ST8SIA4: variants seen among roughly 807,000 people sequenced by gnomAD.
ST8SIA4 encodes ST8 alpha-N-acetyl-neuraminide alpha-2,8-sialyltransferase 4.
In ST8SIA4, 15 loss-of-function variants were observed where a neutral mutation model predicts 33.9. That is an observed-to-expected ratio of 0.44 (90% CI 0.30 to 0.68). ST8SIA4 has a LOEUF of 0.68. Ranked by LOEUF, ST8SIA4 falls within the 30% of genes least tolerant of loss-of-function variation. ST8SIA4 has a pLI of 0.10. For missense variants in ST8SIA4, 321 were observed against 428.0 expected (o/e 0.75, Z 2.21); for synonymous variants, 171 against 151.2 (o/e 1.13, Z -0.96).
intron 4 of ST8SIA4, among the ~76,000 whole-genome samples, chr5:100,819,686 C>G (rs949937822): frequency 2.0e-5 from 3 of 152,144 alleles, no homozygotes; most frequent in Admixed American, 2.0e-4. Flanking sequence ...TAAAAAATTA[C>G]TTAGAAACAT....
intron 4 of ST8SIA4, among the ~76,000 whole-genome samples, chr5:100,821,481 T>A (rs1370870209): frequency 6.6e-6 from 1 of 152,178 alleles, no homozygotes; most frequent in East Asian, 1.9e-4. Context: ...TATAAACAAC[T>A]CTTCTAATGG....
At chr5:100,843,752 G>T (rs1467279411) in intron 4 of ST8SIA4, among the ~76,000 whole-genome samples, 1 of 151,930 alleles carries the variant, frequency 6.6e-6, no homozygotes, top group Non-Finnish European at 1.5e-5. Flanking sequence ...ATGGAAGTCA[G>T]CCATACTGTT....
At chr5:100,894,556 A>G (rs1261098419) in intron 2 of ST8SIA4, among the ~76,000 whole-genome samples, 1 of 152,112 alleles carries the variant, frequency 6.6e-6, no homozygotes, top group African/African-American at 2.4e-5. Context: ...TAGTAATACT[A>G]TTCCTACATC....
intron 4 of ST8SIA4, among the ~76,000 whole-genome samples, chr5:100,822,086 C>T (rs1261011430): frequency 6.6e-6 from 1 of 152,218 alleles, no homozygotes; most frequent in Non-Finnish European, 1.5e-5. Context: ...GAAAAACTTT[C>T]AACTTTTAGC....
At chr5:100,900,622 A>C (rs1234780897) in intron 1 of ST8SIA4, among the ~76,000 whole-genome samples, 1 of 152,142 alleles carries the variant, frequency 6.6e-6, no homozygotes, top group Non-Finnish European at 1.5e-5. Context: ...TCAGGAGACC[A>C]AGGCAGTCAG....
chr5:100,812,657 A>G (rs1444473755), intron 4 of ST8SIA4, among the ~76,000 whole-genome samples: 4 of 152,172 alleles, frequency 2.6e-5, no homozygotes, highest in African/African-American at 9.6e-5. Flanking sequence ...TACTAAAGCA[A>G]ATTAGAAGCC....
intron 4 of ST8SIA4, among the ~76,000 whole-genome samples, chr5:100,844,568 C>G (rs116768461): frequency 0.022 from 3,412 of 151,966 alleles, 57 homozygotes; most frequent in Non-Finnish European, 0.034. Flanking sequence ...TTTTGTGATT[C>G]TTCTCTTGTA....
In ST8SIA4 at chr5:100,806,978, G is replaced by A. The variant is rs2112386863; in HGVS notation, c.*4869C>T. On this transcript the variant is annotated 3_prime_UTR_variant, in exon 5 of 5. Transcript: ENST00000231461. ...ATTCCCTCAACCGCAAACAGAATGT[G>A]CTACACAAAATATCGTTAAGGATTT... 1 of 152,172 alleles carries A rather than the reference G, an allele frequency of 6.6e-6. No homozygotes were observed. The highest frequency in any genetic ancestry group is 2.1e-4 in the South Asian group (1 of 4,830). The allele number at this position is 152,172 out of a possible 1,614,324, so 9.4% of individuals were successfully genotyped here. A position where few individuals can be genotyped will look rare whatever the true frequency, so the allele number is the denominator to read the frequency against.
chr5:100,892,835 C>T (rs149197243), intron 2 of ST8SIA4, among the ~76,000 whole-genome samples: 63 of 151,900 alleles, frequency 4.1e-4, no homozygotes, highest in African/African-American at 1.2e-3. Flanking sequence ...CCGGGCCTGT[C>T]GGGAGGTGAT....
At chr5:100,820,731 C>T (rs774473573) in intron 4 of ST8SIA4, among the ~76,000 whole-genome samples, 6 of 152,102 alleles carry the variant, frequency 3.9e-5, no homozygotes, top group Non-Finnish European at 7.4e-5. Context: ...TCCCAAACTA[C>T]ATGAGTGATT....
At chr5:100,883,091 C>T (rs946526472) in intron 3 of ST8SIA4, among the ~76,000 whole-genome samples, 1 of 152,150 alleles carries the variant, frequency 6.6e-6, no homozygotes, top group Non-Finnish European at 1.5e-5. Context: ...CAGCTTGCAC[C>T]GTTTGCCTGG....
At chr5:100,885,487 T>C in intron 3 of ST8SIA4, 1 of 931,438 alleles carries the variant, frequency 1.1e-6, no homozygotes, top group Middle Eastern at 5.4e-4. Flanking sequence ...TATTCCAGTA[T>C]ATCTTCAAGA....
chr5:100,854,379 C>T lies in ST8SIA4; in HGVS notation c.797+1724G>A, dbSNP rs181819140. ...TGGGTGGATCACGAAGTCAGGAGAT[C>T]GAGACCATCCTGGCTAAGACGGTGA... On this transcript the variant is annotated intron_variant, in intron 4 of 4. Coordinates refer to ENST00000231461, the MANE Select transcript of ST8SIA4 (RefSeq NM_005668.6). 1.9e-3 allele frequency among the ~76,000 whole-genome samples: 291 copies of T among 151,912 alleles called. 1 individual carries two copies. Among genetic ancestry groups the T allele is most frequent in the Admixed American group, 3.4e-3 (52 of 15,260 alleles).
chr5:100,848,341 C>T, intron 4 of ST8SIA4, among the ~76,000 whole-genome samples: 1 of 150,476 alleles, frequency 6.6e-6, no homozygotes, highest in Non-Finnish European at 1.5e-5. Flanking sequence ...AACATATATA[C>T]TATGAGTATA....
chr5:100,883,467 A>G (rs2112469609), intron 3 of ST8SIA4, among the ~76,000 whole-genome samples: 3 of 152,152 alleles, frequency 2.0e-5, no homozygotes, highest in Middle Eastern at 6.8e-3. Context: ...TGAACTGTGG[A>G]CTTTTGGGTT....
intron 3 of ST8SIA4, among the ~76,000 whole-genome samples, chr5:100,884,249 C>G (rs1042398404): frequency 1.3e-5 from 2 of 152,112 alleles, no homozygotes; most frequent in African/African-American, 2.4e-5. Context: ...AATATATGTA[C>G]AATATCAACT....
chr5:100,815,318 C>T (rs1466931816), intron 4 of ST8SIA4, among the ~76,000 whole-genome samples: 1 of 151,910 alleles, frequency 6.6e-6, no homozygotes, highest in Non-Finnish European at 1.5e-5. Context: ...TGATTTGGAT[C>T]TTAATATATG....
intron 4 of ST8SIA4, among the ~76,000 whole-genome samples, chr5:100,817,109 A>ATTTTTTTTTTTTTTTTTTTTTTT (rs57222657): frequency 2.7e-5 from 2 of 74,326 alleles, no homozygotes; most frequent in Non-Finnish European, 2.2e-5. Flanking sequence ...CACCCAGCTA[A>ATTTTTTTTTTTTTTTTTTTTTTT]TTTTTTTTTT....
At chr5:100,891,392 G>T (rs145142218) in intron 2 of ST8SIA4, among the ~76,000 whole-genome samples, 67 of 152,062 alleles carry the variant, frequency 4.4e-4, no homozygotes, top group African/African-American at 1.5e-3. Context: ...AAAACAGAGA[G>T]AACACACATT....
Sources: allele counts gnomAD v4.1 joint callset (sites outside exome capture counted in the v4.1 genomes callset), GRCh38; gene constraint gnomAD v4.1.1; transcripts MANE v1.5; gene names NCBI Gene and HGNC (gene_info 2026-07-23, HGNC 2026-07-21).